Variants in ZNRF1 observed in about 807,000 individuals in gnomAD.
ZNRF1 encodes zinc and ring finger 1.
In ZNRF1, 3 loss-of-function variants were observed where a neutral mutation model predicts 18.4. The observed-to-expected ratio is 0.16, with a 90% CI of 0.07 to 0.42. ZNRF1 has a LOEUF of 0.42. Among genes scored for constraint, ZNRF1 ranks in the 10% least tolerant of loss-of-function variants. The pLI is 0.99. For synonymous variants in ZNRF1, 157 were observed against 144.2 expected (o/e 1.09, Z -0.64); for missense variants, 310 against 329.8 (o/e 0.94, Z 0.47).
intron 1 of ZNRF1, among the ~76,000 whole-genome samples, chr16:75,058,522 A>T (rs1410273606): frequency 6.6e-6 from 1 of 152,234 alleles, no homozygotes; most frequent in African/African-American, 2.4e-5. Context: ...AAAGAATGAG[A>T]TAAATTGTTA....
chr16:75,091,677 C>G, intron 1 of ZNRF1, among the ~76,000 whole-genome samples: 1 of 151,844 alleles, frequency 6.6e-6, no homozygotes. Flanking sequence ...GGACTACAGG[C>G]ACACACCACC....
intron 1 of ZNRF1, among the ~76,000 whole-genome samples, chr16:75,034,985 AT>A (rs1449684745): frequency 6.6e-6 from 1 of 151,958 alleles, no homozygotes; most frequent in Non-Finnish European, 1.5e-5. Flanking sequence ...TCATATGGTA[AT>A]TTTATTTTAA....
chr16:75,089,057 C>T lies in ZNRF1; in HGVS notation c.425-4515C>T, dbSNP rs184746787. ...GCCATGGTCTCGAGGATGGAAAAGCCAGGTCATCATGTGATTTCCCACTCG... is the reference window on the plus strand; with the variant it reads ...GCCATGGTCTCGAGGATGGAAAAGCTAGGTCATCATGTGATTTCCCACTCG... On this transcript the variant is annotated intron_variant, in intron 1 of 4. Coordinates refer to ENST00000335325, the MANE Select transcript of ZNRF1 (RefSeq NM_032268.5). 5.1e-4 allele frequency among the ~76,000 whole-genome samples: 78 copies of T among 152,252 alleles called. 1 individual carries two copies. Among genetic ancestry groups the T allele is most frequent in the African/African-American group, 1.8e-3 (74 of 41,538 alleles).
chr16:75,103,122 C>T (rs2036272033), intron 2 of ZNRF1, among the ~76,000 whole-genome samples: 1 of 152,184 alleles, frequency 6.6e-6, no homozygotes, highest in Admixed American at 6.5e-5. Flanking sequence ...CCTTGTTCGG[C>T]ATCCCTGCTA....
intron 1 of ZNRF1, among the ~76,000 whole-genome samples, chr16:75,020,907 G>A (rs951249388): frequency 3.3e-5 from 5 of 152,084 alleles, no homozygotes; most frequent in African/African-American, 1.2e-4. Context: ...TTCTGTTACA[G>A]GCTACTCTTA....
chr16:75,068,088 T>C (rs530283637), intron 1 of ZNRF1, among the ~76,000 whole-genome samples: 6 of 150,660 alleles, frequency 4.0e-5, no homozygotes, highest in African/African-American at 1.5e-4. Flanking sequence ...GCATGGTGGC[T>C]CATGCCTGTA....
chr16:75,075,895 C>A (rs977143925), intron 1 of ZNRF1, among the ~76,000 whole-genome samples: 3 of 152,100 alleles, frequency 2.0e-5, no homozygotes, highest in African/African-American at 7.2e-5. Flanking sequence ...GTGAAGATGG[C>A]CATTGGAGAT....
intron 1 of ZNRF1, among the ~76,000 whole-genome samples, chr16:75,058,106 C>CT (rs35226969): frequency 0.056 from 7,856 of 140,150 alleles, 259 homozygotes; most frequent in African/African-American, 0.097. Context: ...CTTTCCTTTT[C>CT]TTTTTTTTTT....
At chr16:75,013,034 G>A (rs946690878) in intron 1 of ZNRF1, among the ~76,000 whole-genome samples, 4 of 152,192 alleles carry the variant, frequency 2.6e-5, no homozygotes, top group Non-Finnish European at 5.9e-5. Context: ...CATCAGTTCT[G>A]TAGGATTAGA....
At position 74,999,639 on chromosome 16, in the gene ZNRF1, C is replaced by A. The variant is rs1437637270; in HGVS notation, c.-33C>A. On this transcript the variant is annotated 5_prime_UTR_variant, in exon 1 of 5. Transcript: ENST00000335325. The stretch of plus-strand genomic sequence containing the variant: ...GAGAAGTGGGGGAGGGTCTCGGCCT[C>A]CAGGTTCCCGCCCCACCGGGGCCCG... 1 of 1,323,890 alleles carries A rather than the reference C, an allele frequency of 7.6e-7. No individual in the cohort carries two copies. Among genetic ancestry groups the A allele is most frequent in the Non-Finnish European group, 9.6e-7 (1 of 1,041,406 alleles). The allele number at this position is 1,323,890 out of a possible 1,614,324, so 82.0% of individuals were successfully genotyped here.
chr16:75,013,300 T>C (rs529477855), intron 1 of ZNRF1, among the ~76,000 whole-genome samples: 19 of 152,102 alleles, frequency 1.2e-4, no homozygotes, highest in Admixed American at 3.3e-4. Context: ...GTAAGTCTTA[T>C]CATGAGTTCC....
chr16:75,063,546 G>A (rs966521782), intron 1 of ZNRF1, among the ~76,000 whole-genome samples: 3 of 152,140 alleles, frequency 2.0e-5, no homozygotes, highest in Admixed American at 6.6e-5. Flanking sequence ...GTGGTATTTC[G>A]TTGGCATGTT....
chr16:75,091,368 A>AAG (rs2036137506), intron 1 of ZNRF1, among the ~76,000 whole-genome samples: 2 of 150,456 alleles, frequency 1.3e-5, no homozygotes, highest in African/African-American at 4.9e-5. Flanking sequence ...CAAAAAAAAA[A>AAG]AAAGAAAAGA....
At chr16:75,036,426 G>A (rs555905164) in intron 1 of ZNRF1, among the ~76,000 whole-genome samples, 12 of 152,160 alleles carry the variant, frequency 7.9e-5, no homozygotes, top group African/African-American at 2.6e-4. Flanking sequence ...CCACTACACC[G>A]GGCTTGATGT....
chr16:75,061,441 A>G (rs1010184303), intron 1 of ZNRF1, among the ~76,000 whole-genome samples: 9 of 152,016 alleles, frequency 5.9e-5, no homozygotes, highest in African/African-American at 1.7e-4. Context: ...TTCACTTAAC[A>G]TAATGATCTC....
intron 1 of ZNRF1, among the ~76,000 whole-genome samples, chr16:75,075,366 G>A (rs1424561973): frequency 6.6e-6 from 1 of 152,222 alleles, no homozygotes; most frequent in Non-Finnish European, 1.5e-5. Context: ...ACCCCTTATC[G>A]GAACTGCGGG....
intron 1 of ZNRF1, among the ~76,000 whole-genome samples, chr16:75,048,029 A>G (rs571031803): frequency 4.6e-5 from 7 of 151,296 alleles, no homozygotes; most frequent in African/African-American, 1.2e-4. Flanking sequence ...ATGGCTCACT[A>G]TAGCCTCAAC....
chr16:75,048,667 C>CTT (rs1273843436), intron 1 of ZNRF1, among the ~76,000 whole-genome samples: 5 of 152,158 alleles, frequency 3.3e-5, no homozygotes, highest in African/African-American at 1.2e-4. Context: ...ACCAGTTAAG[C>CTT]ATTTTTGGCA....
intron 1 of ZNRF1, among the ~76,000 whole-genome samples, chr16:75,027,884 C>T (rs1446322190): frequency 1.3e-5 from 2 of 152,202 alleles, no homozygotes; most frequent in Non-Finnish European, 2.9e-5. Context: ...TCTCCAGCCT[C>T]CTAGAGGACT....
Sources: gnomAD v4.1 joint callset for allele counts (sites outside exome capture counted in the v4.1 genomes callset) on GRCh38, gnomAD v4.1.1 for gene constraint, MANE v1.5 for transcripts, NCBI Gene and HGNC (gene_info 2026-07-23, HGNC 2026-07-21) for gene names.